Variants in IQUB observed in about 807,000 individuals in gnomAD.
The protein encoded by IQUB is IQ motif and ubiquitin-like domain-containing protein.
Under a neutral mutation model 86.4 loss-of-function variants are expected in IQUB, and 86 were observed. The observed-to-expected ratio is 1.00, with a 90% CI of 0.84 to 1.19. The LOEUF (loss-of-function observed/expected upper bound fraction) is 1.19. Ranked by LOEUF, IQUB falls within the 50% of genes most tolerant of loss-of-function variation. The probability of loss-of-function intolerance (pLI) is 0.00; values close to 1 mark genes in which losing one functional copy is unlikely to be tolerated. For missense variants in IQUB, 946 were observed against 916.9 expected, an observed-to-expected ratio of 1.03 and a Z score of -0.41; for synonymous variants, 289 against 304.5, an observed-to-expected ratio of 0.95 and a Z score of 0.53.
chr7:123,492,607 T>C (rs186476680), intron 7 of IQUB, among the ~76,000 whole-genome samples: 2 of 152,176 alleles, frequency 1.3e-5, no homozygotes, highest in Non-Finnish European at 2.9e-5. Flanking sequence ...AATGGAAACC[T>C]GCCTGAGCGG....
In IQUB at chr7:123,490,686, C is replaced by T. The variant is rs532616913; in HGVS notation, c.1234+6010G>A. ...TAAATTTAAAAGAACTCAAATTGGC[C>T]GGGTGCATTGGCTCACGCCTGTAAT... On this transcript the variant is annotated intron_variant, in intron 7 of 12. Coordinates refer to ENST00000324698, the MANE Select transcript of IQUB (RefSeq NM_178827.5). Among the ~76,000 whole-genome samples the T allele has an allele frequency of 1.4e-4, 21 of 152,212 alleles. No individual in the cohort carries two copies. In the South Asian group the frequency reaches 2.3e-3, roughly 17 times the overall value.
At position 123,464,831 on chromosome 7, in the gene IQUB, ACC is replaced by A; in HGVS notation, c.1758_1758+1del. 1 of 1,545,424 alleles carries A rather than the reference ACC, an allele frequency of 6.5e-7. No individual in the cohort carries two copies. The highest frequency in any genetic ancestry group is 8.7e-7 in the Non-Finnish European group (1 of 1,143,570). On this transcript the variant is annotated splice_donor_variant and coding_sequence_variant, in exon 10 of 13. Coordinates refer to ENST00000324698, the MANE Select transcript of IQUB (RefSeq NM_178827.5). LOFTEE classifies it high-confidence loss of function. ...AGGAATATAGAGAAAAATGTAGAAT[ACC>A]TTAAGGTATTTTGCAACTTCAGGAT... is the stretch of plus-strand genomic sequence containing the variant.
chr7:123,468,470 C>T (rs1404902), intron 9 of IQUB, among the ~76,000 whole-genome samples: 48,717 of 151,964 alleles, frequency 0.32, 8,015 homozygotes, highest in African/African-American at 0.39. Flanking sequence ...CGAGGCTCTT[C>T]CTGAGAATTG....
chr7:123,508,581 T>G (rs1189309839), intron 3 of IQUB, among the ~76,000 whole-genome samples: 1 of 152,208 alleles, frequency 6.6e-6, no homozygotes, highest in Non-Finnish European at 1.5e-5. Context: ...CCAGTGGTGA[T>G]GCCTGGTACC....
Position 123,503,013 on chromosome 7 carries a change from G to C in IQUB, c.798C>G (p.His266Gln), listed in dbSNP as rs1435688150. 3 of 1,612,802 alleles carry C rather than the reference G, an allele frequency of 1.9e-6. No individual in the cohort carries two copies. The highest frequency in any genetic ancestry group is 2.5e-6 in the Non-Finnish European group (3 of 1,179,308). Residue 266 changes from histidine to glutamine, a missense_variant, in exon 5 of 13, where the codon CAC (histidine) becomes CAG (glutamine). By Grantham distance (24) the His-to-Gln change is conservative. Transcript: ENST00000324698. ...TAGGTACAGTTTGTGTTCCAGCATTGTGATACTCTACTCCTGTTACTTTAT... is the reference window on the plus strand; with the variant it reads ...TAGGTACAGTTTGTGTTCCAGCATTCTGATACTCTACTCCTGTTACTTTAT... Reference protein sequence around the residue: ...FRHKVTGVEYHNAGTQTVPKR... With the variant: ...FRHKVTGVEYQNAGTQTVPKR...
Position 123,512,264 on chromosome 7 carries a change from G to T in IQUB, c.77C>A (p.Thr26Asn). 6.2e-7 allele frequency: 1 copy of T among 1,611,578 alleles called. No individual in the cohort carries two copies. The highest frequency in any genetic ancestry group is 8.5e-7 in the Non-Finnish European group (1 of 1,177,860). Residue 26 changes from threonine to asparagine, a missense_variant, in exon 2 of 13, where the codon ACT (threonine) becomes AAT (asparagine). By Grantham distance (65) the Thr-to-Asn change is moderately conservative. Transcript: ENST00000324698. Reference protein sequence around the residue: ...STEESDDAFDTVTIPVPSEEP... With the variant: ...STEESDDAFDNVTIPVPSEEP... ...TTCTGAGGGAACTGGAATAGTGACA[G>T]TATCAAAAGCATCATCACTCTCTTC...
chr7:123,467,671 G>A (rs1794325661), intron 9 of IQUB, among the ~76,000 whole-genome samples: 4 of 152,146 alleles, frequency 2.6e-5, no homozygotes, highest in Admixed American at 2.0e-4. Context: ...TTTATAGTTG[G>A]CACAGCCTCA....
chr7:123,522,766 A>G (rs896009495), intron 1 of IQUB, among the ~76,000 whole-genome samples: 2 of 152,100 alleles, frequency 1.3e-5, no homozygotes, highest in African/African-American at 4.8e-5. Flanking sequence ...GGTTACTTAC[A>G]TATGTATACG....
chr7:123,457,416 C>T lies in IQUB; in HGVS notation c.2158G>A (p.Ala720Thr), dbSNP rs1168816530. The change falls in exon 12 of 13, where the codon GCA becomes ACA. Residue 720 changes from alanine (A) to threonine (T), a missense_variant. By Grantham distance (58) the Ala-to-Thr change is moderately conservative (BLOSUM62 0). Coordinates refer to ENST00000324698, the MANE Select transcript of IQUB (RefSeq NM_178827.5). ...CTTGTTAGCTTGAGATGAGCAGCTG[C>T]TTCATCTTTGGTAAGAAGAATGCAG... Reference protein sequence around the residue: ...WNCILLTKDEAAAHLKLTSIE... With the variant: ...WNCILLTKDETAAHLKLTSIE... 2 of 1,612,310 alleles carry T rather than the reference C, an allele frequency of 1.2e-6. No individual in the cohort carries two copies. Among genetic ancestry groups the T allele is most frequent in the Admixed American group, 3.3e-5 (2 of 59,742 alleles).
intron 1 of IQUB, among the ~76,000 whole-genome samples, chr7:123,526,437 C>A (rs1413887065): frequency 1.3e-5 from 2 of 152,186 alleles, no homozygotes; most frequent in African/African-American, 4.8e-5. Flanking sequence ...GAATTGATCC[C>A]TTTACCATTA....
intron 1 of IQUB, among the ~76,000 whole-genome samples, chr7:123,515,564 AT>A (rs1263818867): frequency 1.3e-5 from 2 of 152,156 alleles, no homozygotes; most frequent in African/African-American, 4.8e-5. Flanking sequence ...ATGTCTGAAA[AT>A]GAATGCCTCC....
Position 123,509,940 on chromosome 7 carries a change from A to G in IQUB, c.493T>C (p.Leu165=), listed in dbSNP as rs779251640. 49 of 1,610,134 alleles carry G rather than the reference A, an allele frequency of 3.0e-5. No individual in the cohort carries two copies. The highest frequency in any genetic ancestry group is 4.0e-5 in the African/African-American group (3 of 74,802). ...KYLKDHFSHL[L]GIPHSVLQIR... ...TGCAGTACAGAATGTGGGATACCTA[A>G]TAAGTGTGAAAAATGGTCCTTAAGA... is the stretch of plus-strand genomic sequence containing the variant. Residue 165 remains leucine (L), a synonymous_variant, in exon 3 of 13, where the codon TTA becomes CTA. Transcript: ENST00000324698.
At chr7:123,510,724 T>C (rs1796378993) in intron 2 of IQUB, among the ~76,000 whole-genome samples, 1 of 152,114 alleles carries the variant, frequency 6.6e-6, no homozygotes, top group South Asian at 2.1e-4. Flanking sequence ...AAGACATTTA[T>C]CAATAACATG....
At chr7:123,462,770 C>A in intron 10 of IQUB, 1 of 450,022 alleles carries the variant, frequency 2.2e-6, no homozygotes, top group Non-Finnish European at 4.5e-6. Flanking sequence ...AACACGTTAG[C>A]ACACGTCTCC....
At chr7:123,453,102 T>A (rs763316555) in intron 12 of IQUB, among the ~76,000 whole-genome samples, 177 bp from the exon 13 acceptor site, 4 of 151,758 alleles carry the variant, frequency 2.6e-5, no homozygotes, top group Non-Finnish European at 4.4e-5. Flanking sequence ...AACCTGGAAG[T>A]TTTCCCCAAC....
In IQUB at chr7:123,469,218, A is replaced by T. The variant is rs1378214925; in HGVS notation, c.1577T>A (p.Val526Glu). ...LDVLLTLKHTVKEHECKLTQE... is the reference protein window; with the variant it reads ...LDVLLTLKHTEKEHECKLTQE... Reference sequence around the variant, plus strand: ...ACTAAGAGAAAGTTAACATACCTTTACAGTGTGTTTAAGAGTTAACAGCAC... The same window carrying T: ...ACTAAGAGAAAGTTAACATACCTTTTCAGTGTGTTTAAGAGTTAACAGCAC... The change falls in exon 9 of 13, where the codon GTA becomes GAA. Residue 526 changes from valine to glutamate, a missense_variant. By Grantham distance (121) the Val-to-Glu change is moderately radical. Coordinates refer to ENST00000324698, the MANE Select transcript of IQUB (RefSeq NM_178827.5). 53 of 1,560,834 alleles carry T rather than the reference A, an allele frequency of 3.4e-5. No homozygotes were observed. Among genetic ancestry groups the T allele is most frequent in the Non-Finnish European group, 4.6e-5 (53 of 1,156,338 alleles).
Position 123,512,000 on chromosome 7 carries a change from T to G in IQUB, c.341A>C (p.Lys114Thr). The G allele has an allele frequency of 6.2e-7, 1 of 1,612,874 alleles. No homozygotes were observed. The highest frequency in any genetic ancestry group is 8.5e-7 in the Non-Finnish European group (1 of 1,178,978). The change falls in exon 2 of 13, where the codon AAA becomes ACA. Residue 114 changes from lysine to threonine, a missense_variant. Lys to Thr is a moderately conservative substitution (Grantham distance 78). Coordinates refer to ENST00000324698, the MANE Select transcript of IQUB (RefSeq NM_178827.5). ...CAAAGATTCCTTTACAGACTTTATT[T>G]TATCCAGAAATGCCAAACTATCATC... The part of the protein sequence containing the change: ...PNDDSLAFLD[K>T]IKSVKESLQE...
chr7:123,474,308 T>C (rs534237284), intron 8 of IQUB, among the ~76,000 whole-genome samples: 1 of 152,320 alleles, frequency 6.6e-6, no homozygotes, highest in Admixed American at 6.5e-5. Context: ...TTTTGACATC[T>C]GAAAAAACTC....
chr7:123,489,490 GTTATT>G (rs1337851421), intron 7 of IQUB, among the ~76,000 whole-genome samples: 2 of 151,524 alleles, frequency 1.3e-5, no homozygotes, highest in Admixed American at 6.6e-5. Flanking sequence ...AGATAACAAA[GTTATT>G]TTATTTAAAA....
Sources: gnomAD v4.1 joint callset for allele counts (sites outside exome capture counted in the v4.1 genomes callset) on GRCh38, gnomAD v4.1.1 for gene constraint, MANE v1.5 for transcripts, NCBI Gene and HGNC (gene_info 2026-07-23, HGNC 2026-07-21) for gene names.